Variants in PCDHA6 observed in about 807,000 individuals in gnomAD.
The protein encoded by PCDHA6 is protocadherin alpha-6.
A neutral mutation model predicts 60.3 loss-of-function variants in PCDHA6; 55 were observed. The observed-to-expected ratio is 0.91, with a 90% confidence interval of 0.73 to 1.14. The LOEUF (loss-of-function observed/expected upper bound fraction) is 1.14, where lower values mean the gene tolerates loss of function less well. Ranked by LOEUF, PCDHA6 falls within the 50% of genes most tolerant of loss-of-function variation. The pLI is 0.00. For missense variants in PCDHA6, 1,327 were observed against 1,256.5 expected (o/e 1.06, Z -0.85); for synonymous variants, 652 against 557.9 (o/e 1.17, Z -2.38).
chr5:140,929,875 G>A lies in PCDHA6; in HGVS notation c.2395-49074G>A, dbSNP rs1326750420. 4 of 153,064 alleles carry A rather than the reference G, an allele frequency of 2.6e-5. No individual in the cohort carries two copies. The East Asian group carries it at 7.7e-4, about 29-fold the overall frequency. 9.5% of individuals were successfully genotyped at this position (153,064 alleles called of 1,614,324 possible). A position where few individuals can be genotyped will look rare whatever the true frequency, so the allele number is the denominator to read the frequency against. On this transcript the variant is annotated intron_variant, in intron 1 of 3. Transcript: ENST00000529310. ...GAGTCAGAGAAGGCTTTGTGATAGAGATCACAGATTTAGTTGGATCTTTAA... is the reference window on the plus strand; with the variant it reads ...GAGTCAGAGAAGGCTTTGTGATAGAAATCACAGATTTAGTTGGATCTTTAA...
Position 140,836,500 on chromosome 5 carries a change from C to A in PCDHA6, c.2394+6015C>A, listed in dbSNP as rs2150262394. 99 of 1,613,882 alleles carry A rather than the reference C, an allele frequency of 6.1e-5. No individual in the cohort carries two copies. The highest frequency in any genetic ancestry group is 8.1e-5 in the Non-Finnish European group (95 of 1,179,878). Reference sequence around the variant, plus strand: ...GTGTACCTGATCATCGCCATCTGCGCGGTGTCCAGTCTGTTGGTGCTTACC... The same window carrying A: ...GTGTACCTGATCATCGCCATCTGCGAGGTGTCCAGTCTGTTGGTGCTTACC... On this transcript the variant is annotated intron_variant, in intron 1 of 3. Transcript: ENST00000529310.
intron 1 of PCDHA6, among the ~76,000 whole-genome samples, chr5:140,873,360 T>C (rs1271954811): frequency 6.6e-6 from 1 of 152,170 alleles, no homozygotes; most frequent in African/African-American, 2.4e-5. Flanking sequence ...ATTTTTGGAA[T>C]AACTGAAGAT....
chr5:140,841,340 G>A lies in PCDHA6; in HGVS notation c.2394+10855G>A, dbSNP rs2150313851. On this transcript the variant is annotated intron_variant, in intron 1 of 3. Transcript: ENST00000529310. ...ATTTAACATGGATTATCACTGGCGA[G>A]GAGAGCTGGGATCCTGGCGACTACT... 11 of 1,611,670 alleles carry A rather than the reference G, an allele frequency of 6.8e-6. No individual in the cohort carries two copies. Among genetic ancestry groups the A allele is most frequent in the South Asian group, 5.5e-5 (5 of 90,928 alleles).
In PCDHA6 at chr5:140,829,518, C is replaced by A. The variant is rs2150169254; in HGVS notation, c.1427C>A (p.Thr476Lys). The change falls in exon 1 of 4, where the codon ACG becomes AAG. Residue 476 changes from threonine (T) to lysine (K), a missense_variant. Coordinates refer to ENST00000529310, the MANE Select transcript of PCDHA6 (RefSeq NM_018909.4). ...AACCCGCCGGGCTGCCACATCTTCA[C>A]GGTGTCTGCGCGAGACGCGGACGCG... ...ENNPPGCHIF[T>K]VSARDADAQE... 5.0e-6 allele frequency: 8 copies of A among 1,613,400 alleles called. No individual in the cohort carries two copies. The Admixed American group carries it at 1.0e-4, about 20-fold the overall frequency.
intron 1 of PCDHA6, chr5:140,969,483 G>C (rs531496681): frequency 1.4e-6 from 2 of 1,462,372 alleles, no homozygotes; most frequent in African/African-American, 1.4e-5. Context: ...ATCATAATCT[G>C]CTATTTCCTC....
intron 1 of PCDHA6, among the ~76,000 whole-genome samples, chr5:140,895,298 C>A (rs1208960325): frequency 6.6e-6 from 1 of 151,928 alleles, no homozygotes; most frequent in Non-Finnish European, 1.5e-5. Context: ...CCTTCGATTT[C>A]CCCCCTTCCA....
intron 1 of PCDHA6, among the ~76,000 whole-genome samples, chr5:140,938,765 A>G (rs1554212377): frequency 6.6e-6 from 1 of 152,182 alleles, no homozygotes; most frequent in Non-Finnish European, 1.5e-5. Context: ...GTTATTGGGT[A>G]CTAGACTTAG....
intron 1 of PCDHA6, among the ~76,000 whole-genome samples, chr5:140,973,759 C>G (rs1050304490): frequency 2.0e-5 from 3 of 152,250 alleles, no homozygotes; most frequent in Non-Finnish European, 4.4e-5. Flanking sequence ...TGCAGGGACA[C>G]AGCCTGGCAT....
Position 140,883,949 on chromosome 5 carries a change from A to C in PCDHA6, c.2394+53464A>C, listed in dbSNP as rs566235340. On this transcript the variant is annotated intron_variant, in intron 1 of 3. Transcript: ENST00000529310. ...GGTGTTCGTGCTGGACGAGAACGAC[A>C]ACGCTCCGGCGCTGCTGACGCCCGG... 178 of 1,613,356 alleles carry C rather than the reference A, an allele frequency of 1.1e-4. 5 individuals carry two copies. The South Asian group carries it at 1.9e-3, about 18-fold the overall frequency.
intron 1 of PCDHA6, among the ~76,000 whole-genome samples, chr5:140,938,751 C>A (rs943916265): frequency 6.6e-6 from 1 of 151,978 alleles, no homozygotes; most frequent in Non-Finnish European, 1.5e-5. Flanking sequence ...TTTTTAAAGG[C>A]ATAGTTATTG....
At chr5:140,857,699 C>T (rs1554150537) in intron 1 of PCDHA6, 1 of 1,597,158 alleles carries the variant, frequency 6.3e-7, no homozygotes, top group East Asian at 2.2e-5. Flanking sequence ...CTTGACGCTG[C>T]AGGTGTTCGT....
intron 1 of PCDHA6, among the ~76,000 whole-genome samples, chr5:140,966,049 A>AC (rs2095962296): frequency 6.6e-6 from 1 of 152,102 alleles, no homozygotes; most frequent in African/African-American, 2.4e-5. Context: ...ATCGCCAGTA[A>AC]CCCCAGAGCG....
intron 1 of PCDHA6, among the ~76,000 whole-genome samples, chr5:140,844,849 G>A (rs1554140744): frequency 6.7e-6 from 1 of 148,746 alleles, no homozygotes; most frequent in African/African-American, 2.5e-5. Context: ...TGTGACTGTT[G>A]GACCTGCCTG....
At chr5:140,943,893 A>AT (rs1364551909) in intron 1 of PCDHA6, among the ~76,000 whole-genome samples, 3 of 152,226 alleles carry the variant, frequency 2.0e-5, no homozygotes, top group Non-Finnish European at 4.4e-5. Flanking sequence ...ACTGGTCATT[A>AT]TGATGTCATG....
intron 1 of PCDHA6, among the ~76,000 whole-genome samples, chr5:140,855,276 C>T (rs991955993): frequency 1.3e-5 from 2 of 149,614 alleles, no homozygotes; most frequent in Non-Finnish European, 3.0e-5. Flanking sequence ...CACTCAACCA[C>T]CGTATTACTA....
In PCDHA6 at chr5:140,938,408, G is replaced by A. The variant is rs115039361; in HGVS notation, c.2395-40541G>A. Among the ~76,000 whole-genome samples, 826 of 151,992 alleles carry A rather than the reference G, an allele frequency of 5.4e-3. 3 individuals are homozygous for A. The highest frequency in any genetic ancestry group is 0.019 in the African/African-American group (797 of 41,474). ...TAATATGAAATACATTGTTTGATTG[G>A]GTTTATTTGCAAAAATCCTTTATCA... On this transcript the variant is annotated intron_variant, in intron 1 of 3. Coordinates refer to ENST00000529310, the MANE Select transcript of PCDHA6 (RefSeq NM_018909.4).
intron 3 of PCDHA6, among the ~76,000 whole-genome samples, chr5:141,005,561 G>T (rs1554260149): frequency 6.6e-6 from 1 of 151,354 alleles, no homozygotes. Flanking sequence ...AATTAGCCGG[G>T]CATGGTGGCG....
chr5:140,966,750 C>A, intron 1 of PCDHA6: 1 of 1,428,438 alleles, frequency 7.0e-7, no homozygotes, highest in South Asian at 1.5e-5. Flanking sequence ...CGGCTGCCTC[C>A]GCCGCGGCCA....
At chr5:140,965,196 AG>A (rs2095879471) in intron 1 of PCDHA6, among the ~76,000 whole-genome samples, 3 of 152,254 alleles carry the variant, frequency 2.0e-5, no homozygotes, top group Non-Finnish European at 4.4e-5. Flanking sequence ...ATGAGGCAAT[AG>A]ATTTCAAATT....
Sources: allele counts gnomAD v4.1 joint callset (sites outside exome capture counted in the v4.1 genomes callset), GRCh38; gene constraint gnomAD v4.1.1; transcripts MANE v1.5; gene names NCBI Gene and HGNC (gene_info 2026-07-23, HGNC 2026-07-21).